Variants in ROR2 observed in about 807,000 individuals in gnomAD.
ROR2 encodes the protein tyrosine-protein kinase transmembrane receptor ROR2.
ROR2 carries 33 observed loss-of-function variants against 74.9 expected under a neutral mutation model. That is an observed-to-expected ratio of 0.44 (90% CI 0.33 to 0.59). The LOEUF (loss-of-function observed/expected upper bound fraction) is 0.59. ROR2 is among the 20% of genes least tolerant of loss of function. The pLI is 0.02. For missense variants in ROR2, 1,216 were observed against 1,313.8 expected (o/e 0.93, Z 1.15); for synonymous variants, 586 against 558.7 (o/e 1.05, Z -0.69).
intron 2 of ROR2, among the ~76,000 whole-genome samples, chr9:91,774,021 C>T (rs1347404188): frequency 6.6e-5 from 10 of 152,250 alleles, no homozygotes; most frequent in African/African-American, 1.7e-4. Context: ...TAGGATCTTG[C>T]GCAGAGCCAG....
chr9:91,902,982 G>A (rs1190302649), intron 1 of ROR2, among the ~76,000 whole-genome samples: 3 of 152,102 alleles, frequency 2.0e-5, no homozygotes, highest in African/African-American at 7.2e-5. Flanking sequence ...TATTTAATGG[G>A]TGCAGAGTTT....
At chr9:91,864,778 C>A (rs1301821352) in intron 1 of ROR2, among the ~76,000 whole-genome samples, 1 of 152,170 alleles carries the variant, frequency 6.6e-6, no homozygotes, top group Non-Finnish European at 1.5e-5. Flanking sequence ...TAACTTTCAC[C>A]ATAACTTGAG....
At chr9:91,820,164 C>T (rs1174030095) in intron 1 of ROR2, among the ~76,000 whole-genome samples, 1 of 152,134 alleles carries the variant, frequency 6.6e-6, no homozygotes, top group Non-Finnish European at 1.5e-5. Context: ...TATTACATGT[C>T]CATGTTTGTT....
intron 1 of ROR2, among the ~76,000 whole-genome samples, chr9:91,793,806 T>C (rs1460697986): frequency 6.6e-6 from 1 of 151,208 alleles, no homozygotes; most frequent in African/African-American, 2.4e-5. Context: ...AAAATAAAAT[T>C]GCAATAGCTA....
intron 1 of ROR2, among the ~76,000 whole-genome samples, chr9:91,809,676 A>C (rs1006567161): frequency 6.6e-6 from 1 of 152,234 alleles, no homozygotes; most frequent in Non-Finnish European, 1.5e-5. Flanking sequence ...GACATGCAGC[A>C]ACATCTTGGC....
chr9:91,853,457 C>T (rs954563680), intron 1 of ROR2, among the ~76,000 whole-genome samples: 14 of 152,248 alleles, frequency 9.2e-5, no homozygotes, highest in African/African-American at 3.4e-4. Flanking sequence ...ATGGCCTTTG[C>T]AGACACAGTA....
chr9:91,809,192 C>T (rs1827667899), intron 1 of ROR2, among the ~76,000 whole-genome samples: 1 of 152,202 alleles, frequency 6.6e-6, no homozygotes, highest in Non-Finnish European at 1.5e-5. Context: ...TCCTCCCTTC[C>T]ATCTCTCCCC....
Position 91,948,893 on chromosome 9 carries a change from G to C in ROR2, c.97+974C>G, listed in dbSNP as rs552924438. 381 of 985,226 alleles carry C rather than the reference G, an allele frequency of 3.9e-4. 2 individuals are homozygous for C. The African/African-American group carries it at 6.1e-3, about 16-fold the overall frequency. 61.0% of individuals were successfully genotyped at this position (985,226 alleles called of 1,614,324 possible). On this transcript the variant is annotated intron_variant, in intron 1 of 8. Coordinates refer to ENST00000375708, the MANE Select transcript of ROR2 (RefSeq NM_004560.4). ...AGAATCCGGCCCGAGGCGCGCGGGC[G>C]GGAGGTGCTCCCGGAGTCTGCACCG...
intron 1 of ROR2, among the ~76,000 whole-genome samples, chr9:91,878,377 CTCT>C (rs1330537642): frequency 6.6e-6 from 1 of 152,192 alleles, no homozygotes; most frequent in African/African-American, 2.4e-5. Context: ...TGAGGCCAGA[CTCT>C]TCTTCTGCAA....
At chr9:91,819,158 C>T (rs778774429) in intron 1 of ROR2, among the ~76,000 whole-genome samples, 1 of 152,182 alleles carries the variant, frequency 6.6e-6, no homozygotes, top group Admixed American at 6.5e-5. Context: ...ATCTCTGCAG[C>T]CCCCGCAGCC....
In ROR2 at chr9:91,905,483, A is replaced by C. The variant is rs571972868; in HGVS notation, c.97+44384T>G. ...ACATACCACACACAACAAAGACACA[A>C]CACATACCACATACACGACATACAC... On this transcript the variant is annotated intron_variant, in intron 1 of 8. Coordinates refer to ENST00000375708, the MANE Select transcript of ROR2 (RefSeq NM_004560.4). This position sits in a 1 kb window ranked among gnomAD's most constrained non-coding sequence, Gnocchi z 5.3. Among the ~76,000 whole-genome samples, 82 of 152,082 alleles carry C rather than the reference A, an allele frequency of 5.4e-4. 1 individual carries two copies. The highest frequency in any genetic ancestry group is 1.0e-3 in the Non-Finnish European group (70 of 67,948).
Position 91,888,198 on chromosome 9 carries a change from T to C in ROR2, c.97+61669A>G, listed in dbSNP as rs145951368. On this transcript the variant is annotated intron_variant, in intron 1 of 8. Transcript: ENST00000375708. Reference sequence around the variant, plus strand: ...CTTTTGTGAATTTGATGTTACTTCCTTGTGATTTTAACTGTGTTTCCCAGG... The same window carrying C: ...CTTTTGTGAATTTGATGTTACTTCCCTGTGATTTTAACTGTGTTTCCCAGG... 4.8e-3 allele frequency among the ~76,000 whole-genome samples: 730 copies of C among 152,322 alleles called. 6 individuals are homozygous for C. The highest frequency in any genetic ancestry group is 0.016 in the African/African-American group (678 of 41,566).
intron 1 of ROR2, among the ~76,000 whole-genome samples, chr9:91,778,175 C>T (rs1826483455): frequency 1.3e-5 from 2 of 152,210 alleles, no homozygotes; most frequent in Admixed American, 6.5e-5. Context: ...GCTGGTGACT[C>T]GCAGGATCAG....
intron 1 of ROR2, among the ~76,000 whole-genome samples, chr9:91,949,200 A>T (rs926036902): frequency 3.3e-5 from 5 of 151,320 alleles, no homozygotes; most frequent in African/African-American, 9.7e-5. Flanking sequence ...TTCAATCCAG[A>T]TCACACACCA....
rs539548790 is a variant in ROR2 at position 91,887,772 on chromosome 9, A to G, written c.97+62095T>C. ...CGCCCTCCAGCAGCTTCTTCTCTCC[A>G]TAACACTTTTTTTCTCTTTTTTTTT... On this transcript the variant is annotated intron_variant, in intron 1 of 8. Coordinates refer to ENST00000375708, the MANE Select transcript of ROR2 (RefSeq NM_004560.4). Among the ~76,000 whole-genome samples, 8 of 148,426 alleles carry G rather than the reference A, an allele frequency of 5.4e-5. No homozygotes were observed. The South Asian group carries it at 1.5e-3, about 28-fold the overall frequency.
At chr9:91,732,464 C>T (rs1227488204) in intron 6 of ROR2, among the ~76,000 whole-genome samples, 6 of 152,172 alleles carry the variant, frequency 3.9e-5, no homozygotes, top group African/African-American at 1.4e-4. Context: ...GAACTGTCCC[C>T]CTCCCCCACG....
chr9:91,784,337 T>C (rs9409462), intron 1 of ROR2, among the ~76,000 whole-genome samples: 99,791 of 152,122 alleles, frequency 0.66, 36,293 homozygotes, highest in South Asian at 0.83. Context: ...CAGCACCCCC[T>C]GGCCCCCACC....
chr9:91,922,465 A>ATT (rs985804702), intron 1 of ROR2, among the ~76,000 whole-genome samples: 4 of 151,492 alleles, frequency 2.6e-5, no homozygotes, highest in Non-Finnish European at 2.9e-5. Flanking sequence ...TTTATTTTTT[A>ATT]TTTTTTGAGA....
intron 1 of ROR2, among the ~76,000 whole-genome samples, chr9:91,875,132 T>A (rs1481154412): frequency 2.6e-5 from 4 of 152,196 alleles, no homozygotes; most frequent in Admixed American, 2.0e-4. Flanking sequence ...TGCCAACCAA[T>A]TAACGGTCCC....
Sources: gnomAD v4.1 joint callset for allele counts (sites outside exome capture counted in the v4.1 genomes callset) on GRCh38, gnomAD v4.1.1 for gene constraint, Gnocchi (gnomAD v3.1) non-coding constraint, MANE v1.5 for transcripts, NCBI Gene and HGNC (gene_info 2026-07-23, HGNC 2026-07-21) for gene names.